Variants in ADGRL3 observed in about 807,000 individuals in gnomAD.
ADGRL3 encodes adhesion G protein-coupled receptor L3.
A neutral mutation model predicts 153.5 loss-of-function variants in ADGRL3; 62 were observed. The ratio of observed to expected loss-of-function variants is 0.40; its 90% CI spans 0.33 to 0.50. ADGRL3 has a LOEUF of 0.50. Ranked by LOEUF, ADGRL3 falls within the 20% of genes least tolerant of loss-of-function variation. The probability of loss-of-function intolerance (pLI) is 0.47; values close to 1 mark genes in which losing one functional copy is unlikely to be tolerated. For missense variants in ADGRL3, 1,641 were observed against 1,859.4 expected, an observed-to-expected ratio of 0.88 and a Z score of 2.16; for synonymous variants, 710 against 672.5, an observed-to-expected ratio of 1.06 and a Z score of -0.86.
intron 17 of ADGRL3, among the ~76,000 whole-genome samples, chr4:61,954,872 C>A (rs1179419460): frequency 6.6e-6 from 1 of 152,106 alleles, no homozygotes; most frequent in East Asian, 1.9e-4. Context: ...AGGGAGTAAG[C>A]AAACCAGGTC....
intron 2 of ADGRL3, among the ~76,000 whole-genome samples, chr4:61,404,884 G>C (rs1360173577): frequency 6.6e-6 from 1 of 151,964 alleles, no homozygotes; most frequent in African/African-American, 2.4e-5. Context: ...TGTATTACTA[G>C]TATCCTCATA....
chr4:62,022,544 A>T (rs2099242803), intron 21 of ADGRL3, among the ~76,000 whole-genome samples: 1 of 152,156 alleles, frequency 6.6e-6, no homozygotes, highest in Admixed American at 6.6e-5. Flanking sequence ...TAGAGAGAAG[A>T]AGTCAATGTC....
At chr4:61,932,172 CTAT>C (rs369304367) in intron 13 of ADGRL3, among the ~76,000 whole-genome samples, 2 of 151,850 alleles carry the variant, frequency 1.3e-5, no homozygotes, top group East Asian at 3.9e-4. Flanking sequence ...GTTTGGATGC[CTAT>C]TATTATTATT....
At chr4:61,697,573 G>A (rs546583164) in intron 6 of ADGRL3, among the ~76,000 whole-genome samples, 133 of 147,472 alleles carry the variant, frequency 9.0e-4, no homozygotes, top group African/African-American at 3.1e-3. Context: ...AAAAAAGAAA[G>A]AAATATTATC....
intron 2 of ADGRL3, among the ~76,000 whole-genome samples, chr4:61,488,670 T>G (rs190889393): frequency 3.3e-5 from 5 of 152,136 alleles, no homozygotes; most frequent in Admixed American, 1.3e-4. Flanking sequence ...TTTGTTTACT[T>G]CCACACTGAC....
At chr4:61,825,019 C>T (rs560228554) in intron 9 of ADGRL3, among the ~76,000 whole-genome samples, 42 of 152,072 alleles carry the variant, frequency 2.8e-4, no homozygotes, top group Non-Finnish European at 1.5e-4. Flanking sequence ...TTCTTAGCAT[C>T]GACACTAAGA....
intron 2 of ADGRL3, among the ~76,000 whole-genome samples, chr4:61,465,250 C>T (rs2097865050): frequency 6.6e-6 from 1 of 151,778 alleles, no homozygotes; most frequent in Non-Finnish European, 1.5e-5. Flanking sequence ...AAGAATATGC[C>T]CAAACTTTAA....
intron 2 of ADGRL3, among the ~76,000 whole-genome samples, chr4:61,482,104 A>G (rs1430815883): frequency 6.6e-6 from 1 of 152,210 alleles, no homozygotes. Flanking sequence ...AGAAGAACCA[A>G]AACAAGAAAG....
At chr4:61,340,518 C>T (rs1175971772) in intron 1 of ADGRL3, among the ~76,000 whole-genome samples, 1 of 151,918 alleles carries the variant, frequency 6.6e-6, no homozygotes, top group African/African-American at 2.4e-5. Flanking sequence ...AATCTGTCAT[C>T]GGATACATCT....
At chr4:61,473,614 A>T (rs1255324559) in intron 2 of ADGRL3, among the ~76,000 whole-genome samples, 1 of 152,168 alleles carries the variant, frequency 6.6e-6, no homozygotes, top group African/African-American at 2.4e-5. Flanking sequence ...TGAGGAGGAA[A>T]AAAACCAAAA....
At chr4:61,819,139 G>A (rs183689598) in intron 9 of ADGRL3, among the ~76,000 whole-genome samples, 321 of 152,122 alleles carry the variant, frequency 2.1e-3, no homozygotes, top group African/African-American at 7.4e-3. Flanking sequence ...AATTATACAT[G>A]CAAAATGTAC....
At chr4:61,425,150 C>T (rs942702457) in intron 2 of ADGRL3, among the ~76,000 whole-genome samples, 2 of 152,152 alleles carry the variant, frequency 1.3e-5, no homozygotes, top group South Asian at 4.1e-4. Context: ...GCAAATACCC[C>T]ATGTTGACAC....
At chr4:61,313,448 G>GA (rs1236285683) in intron 1 of ADGRL3, among the ~76,000 whole-genome samples, 1 of 152,140 alleles carries the variant, frequency 6.6e-6, no homozygotes, top group African/African-American at 2.4e-5. Context: ...CCACAGGAAT[G>GA]AAAAATATTA....
At chr4:61,776,309 G>A (rs1580772164) in intron 8 of ADGRL3, among the ~76,000 whole-genome samples, 1 of 152,304 alleles carries the variant, frequency 6.6e-6, no homozygotes, top group South Asian at 2.1e-4. Context: ...ACCTAACAGT[G>A]AGCAAGAAGA....
At chr4:61,760,445 G>T (rs984766255) in intron 8 of ADGRL3, among the ~76,000 whole-genome samples, 1 of 152,184 alleles carries the variant, frequency 6.6e-6, no homozygotes, top group Admixed American at 6.5e-5. Flanking sequence ...GTGGGCGTAG[G>T]ACCCTCTGAG....
At chr4:61,472,744 A>T (rs1206534426) in intron 2 of ADGRL3, among the ~76,000 whole-genome samples, 2 of 151,926 alleles carry the variant, frequency 1.3e-5, no homozygotes, top group Admixed American at 6.6e-5. Flanking sequence ...TATTTCAAAG[A>T]AAGTCTTGAT....
intron 3 of ADGRL3, among the ~76,000 whole-genome samples, chr4:61,503,647 T>A (rs1449973729): frequency 2.0e-5 from 3 of 152,058 alleles, no homozygotes; most frequent in Non-Finnish European, 2.9e-5. Flanking sequence ...TTTTAAGAGA[T>A]TTTTAGACTA....
At chr4:61,441,372 A>G (rs909472222) in intron 2 of ADGRL3, among the ~76,000 whole-genome samples, 3 of 152,188 alleles carry the variant, frequency 2.0e-5, no homozygotes, top group Admixed American at 6.5e-5. Flanking sequence ...GGTATTCACT[A>G]TCTTTCATAA....
chr4:61,807,148 C>T (rs2097561002), intron 8 of ADGRL3, among the ~76,000 whole-genome samples: 2 of 151,938 alleles, frequency 1.3e-5, no homozygotes, highest in African/African-American at 4.8e-5. Flanking sequence ...TAAGAATTCA[C>T]CAGTTTATTT....
Sources: allele counts gnomAD v4.1 joint callset (sites outside exome capture counted in the v4.1 genomes callset), GRCh38; gene constraint gnomAD v4.1.1; transcripts MANE v1.5; gene names NCBI Gene and HGNC (gene_info 2026-07-23, HGNC 2026-07-21).